The following ARHGAP32 variants were observed in gnomAD, a reference collection of about 807,000 sequenced individuals.
ARHGAP32 encodes the protein rho GTPase-activating protein 32.
A neutral mutation model predicts 186.5 loss-of-function variants in ARHGAP32; 51 were observed. The observed-to-expected ratio is 0.27, with a 90% CI of 0.22 to 0.35. The LOEUF (loss-of-function observed/expected upper bound fraction) is 0.35, where lower values mean the gene tolerates loss of function less well. Ranked by LOEUF, ARHGAP32 falls within the 10% of genes least tolerant of loss-of-function variation. The probability of loss-of-function intolerance (pLI) is 1.00; values close to 1 mark genes in which losing one functional copy is unlikely to be tolerated. For synonymous variants in ARHGAP32, 950 were observed against 964.3 expected (o/e 0.99, Z 0.27); for missense variants, 2,186 against 2,623.5 (o/e 0.83, Z 3.64).
chr11:129,009,704 T>C (rs984500190), intron 11 of ARHGAP32, among the ~76,000 whole-genome samples: 1 of 152,244 alleles, frequency 6.6e-6, no homozygotes, highest in South Asian at 2.1e-4. Context: ...CCATGATGTA[T>C]ATGTATCCCT....
At position 128,971,012 on chromosome 11, in the gene ARHGAP32, G is replaced by C; in HGVS notation, c.4201C>G (p.Arg1401Gly). ...AGCAGCGGGACCCGGGCACCGTCCC[G>C]CACTTTCTCAGGCAGGCCTGGCTGG... is the stretch of plus-strand genomic sequence containing the variant. ...AVQPGLPEKV[R>G]DGARVPLLHL... Residue 1401 changes from arginine (R) to glycine (G), a missense_variant, in exon 23 of 23, where the codon CGG becomes GGG. Coordinates refer to ENST00000682385, the MANE Select transcript of ARHGAP32 (RefSeq NM_001378024.1). 1 of 1,613,700 alleles carries C rather than the reference G, an allele frequency of 6.2e-7. No homozygotes were observed. The highest frequency in any genetic ancestry group is 8.5e-7 in the Non-Finnish European group (1 of 1,180,022).
intron 1 of ARHGAP32, among the ~76,000 whole-genome samples, chr11:129,176,576 A>G (rs1260315746): frequency 2.0e-5 from 3 of 150,594 alleles, no homozygotes; most frequent in Non-Finnish European, 3.0e-5. Flanking sequence ...CACAAATTAT[A>G]ACAAACTATC....
At chr11:129,032,846 A>C (rs910166897) in intron 11 of ARHGAP32, among the ~76,000 whole-genome samples, 1 of 152,238 alleles carries the variant, frequency 6.6e-6, no homozygotes, top group Non-Finnish European at 1.5e-5. Flanking sequence ...GCTCAATATC[A>C]TGACATTTCC....
At chr11:129,275,161 A>G (rs1945516286) in intron 1 of ARHGAP32, among the ~76,000 whole-genome samples, 1 of 152,236 alleles carries the variant, frequency 6.6e-6, no homozygotes, top group Non-Finnish European at 1.5e-5. Context: ...ATTCTATAGC[A>G]AACAGCATAA....
chr11:129,135,209 A>T (rs1050691370), intron 2 of ARHGAP32, among the ~76,000 whole-genome samples: 3 of 152,252 alleles, frequency 2.0e-5, no homozygotes, highest in Non-Finnish European at 4.4e-5. Flanking sequence ...AATGCAAAAG[A>T]CACAGAAGTA....
chr11:129,248,466 C>T (rs1464540162), intron 1 of ARHGAP32, among the ~76,000 whole-genome samples: 1 of 152,134 alleles, frequency 6.6e-6, no homozygotes, highest in African/African-American at 2.4e-5. Flanking sequence ...TCATTCTATG[C>T]TTCACCAACA....
chr11:129,086,665 C>A (rs562250757), intron 6 of ARHGAP32, among the ~76,000 whole-genome samples: 1 of 151,752 alleles, frequency 6.6e-6, no homozygotes, highest in African/African-American at 2.4e-5. Context: ...ACTAAAAATA[C>A]AAAAAATTAG....
intron 1 of ARHGAP32, among the ~76,000 whole-genome samples, chr11:129,227,905 A>G (rs527572718): frequency 6.6e-6 from 1 of 152,272 alleles, no homozygotes; most frequent in African/African-American, 2.4e-5. Context: ...CCTACAGGGT[A>G]TTTTACCCAA....
At chr11:128,989,516 T>TCACACACACACA (rs56090706) in intron 12 of ARHGAP32, among the ~76,000 whole-genome samples, 5,523 of 138,898 alleles carry the variant, frequency 0.04, 141 homozygotes, top group Non-Finnish European at 0.049. Flanking sequence ...GTTTTTTATT[T>TCACACACACACA]CACACACACA....
intron 1 of ARHGAP32, among the ~76,000 whole-genome samples, chr11:129,176,749 A>G (rs1218730452): frequency 1.0e-4 from 15 of 150,686 alleles, no homozygotes; most frequent in African/African-American, 3.4e-4. Flanking sequence ...GAGAACAAAG[A>G]CACAACATAC....
intron 1 of ARHGAP32, among the ~76,000 whole-genome samples, chr11:129,203,737 A>G (rs555558477): frequency 1.4e-5 from 2 of 145,510 alleles, no homozygotes; most frequent in African/African-American, 5.0e-5. Context: ...AAAAAAAAAG[A>G]AAGAAAAAAG....
intron 22 of ARHGAP32, 147 bp from the exon 23 acceptor site, chr11:128,971,306 T>A: frequency 1.6e-6 from 1 of 627,484 alleles, no homozygotes; most frequent in Admixed American, 3.1e-5. Context: ...CTGTACCCAT[T>A]TCTAGGAAAA....
chr11:129,133,707 G>A lies in ARHGAP32; in HGVS notation c.226-8813C>T, dbSNP rs113515129. ...TAAAAATAAGAACATACTAAGATAA[G>A]AGAAAACTAAGAGAATTTGTCACCA... On this transcript the variant is annotated intron_variant, in intron 2 of 22. Coordinates refer to ENST00000682385, the MANE Select transcript of ARHGAP32 (RefSeq NM_001378024.1). Among the ~76,000 whole-genome samples, 20 of 152,244 alleles carry A rather than the reference G, an allele frequency of 1.3e-4. 1 individual carries two copies. The highest frequency in any genetic ancestry group is 4.8e-4 in the African/African-American group (20 of 41,544).
At chr11:128,976,435 C>T (rs2136087363) in intron 20 of ARHGAP32, 128 bp downstream of exon 20, 3 of 702,128 alleles carry the variant, frequency 4.3e-6, no homozygotes, top group East Asian at 2.6e-5. Context: ...ACTAAATAGA[C>T]ACTAGTATTC....
chr11:128,986,436 C>T (rs956296365), intron 14 of ARHGAP32, 88 bp downstream of exon 14: 2 of 1,418,604 alleles, frequency 1.4e-6, no homozygotes, highest in Middle Eastern at 2.3e-4. Flanking sequence ...CTATTTCTTA[C>T]ATGTGACCAA....
intron 12 of ARHGAP32, among the ~76,000 whole-genome samples, chr11:128,994,206 G>A (rs1013802375): frequency 2.0e-5 from 3 of 151,504 alleles, no homozygotes; most frequent in Non-Finnish European, 4.4e-5. Context: ...CCAGACTGGA[G>A]TGCAATAGCA....
At position 129,005,782 on chromosome 11, in the gene ARHGAP32, G is replaced by A. The variant is rs950956137; in HGVS notation, c.1046-7314C>T. Reference sequence around the variant, plus strand: ...TGTAAACTTCTTGTGTTTGGATAGCGATATCTTTCATTTTGGGAATTCTCT... The same window carrying A: ...TGTAAACTTCTTGTGTTTGGATAGCAATATCTTTCATTTTGGGAATTCTCT... On this transcript the variant is annotated intron_variant, in intron 11 of 22. Transcript: ENST00000682385. 3.3e-5 allele frequency among the ~76,000 whole-genome samples: 5 copies of A among 152,088 alleles called. No individual in the cohort carries two copies. The South Asian group carries it at 6.2e-4, about 19-fold the overall frequency.
At chr11:128,992,761 T>G (rs191265505) in intron 12 of ARHGAP32, among the ~76,000 whole-genome samples, 33 of 152,224 alleles carry the variant, frequency 2.2e-4, no homozygotes, top group Non-Finnish European at 3.8e-4. Flanking sequence ...CACTCCAGCC[T>G]GGGCAACAAG....
At position 129,066,862 on chromosome 11, in the gene ARHGAP32, T is replaced by G; in HGVS notation, c.538A>C (p.Ser180Arg). 3.7e-6 allele frequency: 6 copies of G among 1,600,594 alleles called. No individual in the cohort carries two copies. The highest frequency in any genetic ancestry group is 5.1e-6 in the Non-Finnish European group (6 of 1,172,314). ...YLVQIACQGK[S>R]WIVKRSYEDF... is the part of the protein sequence containing the mutation. ...TCATAACTTCTTTTAACAATCCAACTTTTTCCCTATTGGTAGAAAAAAGAA... is the reference window on the plus strand; with the variant it reads ...TCATAACTTCTTTTAACAATCCAACGTTTTCCCTATTGGTAGAAAAAAGAA... The change falls in exon 7 of 23, where the codon AGT becomes CGT. Residue 180 changes from serine (S) to arginine (R), a missense_variant. By Grantham distance (110) the Ser-to-Arg change is moderately radical. This residue lies in a region of ARHGAP32 where 308 missense variants were observed against 596.5 expected (regional missense o/e 0.52). Coordinates refer to ENST00000682385, the MANE Select transcript of ARHGAP32 (RefSeq NM_001378024.1).
Sources: allele counts gnomAD v4.1 joint callset (sites outside exome capture counted in the v4.1 genomes callset), GRCh38; gene constraint gnomAD v4.1.1; regional missense constraint gnomAD v4.1.1; transcripts MANE v1.5; gene names NCBI Gene and HGNC (gene_info 2026-07-23, HGNC 2026-07-21).